PCYT1A: variants seen among roughly 807,000 people sequenced by gnomAD.
PCYT1A encodes choline-phosphate cytidylyltransferase A.
In PCYT1A, 25 loss-of-function variants were observed where a neutral mutation model predicts 43.7. That is an observed-to-expected ratio of 0.57 (90% CI 0.42 to 0.80). The LOEUF is 0.80. PCYT1A is among the 30% of genes least tolerant of loss of function. The probability of loss-of-function intolerance (pLI) is 0.00; values close to 1 mark genes in which losing one functional copy is unlikely to be tolerated. For missense variants in PCYT1A, 421 were observed against 474.2 expected (o/e 0.89, Z 1.04); for synonymous variants, 172 against 170.7 (o/e 1.01, Z -0.06).
chr3:196,264,588 CAA>C (rs2108775107), intron 2 of PCYT1A, among the ~76,000 whole-genome samples: 1 of 152,288 alleles, frequency 6.6e-6, no homozygotes, highest in East Asian at 1.9e-4. Context: ...ACCTCTTGGT[CAA>C]AGTCAGTCTC....
rs1724260866 is a variant in PCYT1A, at chr3:196,238,818, G to A, written c.974C>T (p.Thr325Ile). The A allele has an allele frequency of 6.3e-7, 1 of 1,574,910 alleles. No homozygotes were observed. The highest frequency in any genetic ancestry group is 1.8e-4 in the Middle Eastern group (1 of 5,616). The change falls in exon 9 of 9, where the codon ACT (threonine) becomes ATT (isoleucine). Residue 325 changes from threonine (T) to isoleucine (I), a missense_variant. By Grantham distance (89) the Thr-to-Ile change is moderately conservative. Transcript: ENST00000431016. ...SPKQSPSSSP[T>I]RERSPSPSFR... ...AGAGGGGGAGGGGGAGCGCTCGCGA[G>A]TAGGGCTGCTGCTGGGGCTCTGCTT... is the stretch of plus-strand genomic sequence containing the variant.
In PCYT1A at chr3:196,270,517, AC is replaced by A. The variant is rs765005090; in HGVS notation, c.14del (p.Cys5PhefsTer58). The part of the protein sequence containing the change: MDAQ[C>X]SAKVNARKRR... Reference sequence around the variant, plus strand: ...TCTTCCTTGCATTGACCTTGGCTGAACACTGTGCATCCATCTTCTTTTAACT... The same window carrying A: ...TCTTCCTTGCATTGACCTTGGCTGAAACTGTGCATCCATCTTCTTTTAACT... On this transcript the variant is annotated frameshift_variant, in exon 2 of 9. Coordinates refer to ENST00000431016, the MANE Select transcript of PCYT1A (RefSeq NM_001312673.2). LOFTEE classifies it high-confidence loss of function. The A allele has an allele frequency of 1.9e-6, 3 of 1,613,506 alleles. No individual in the cohort carries two copies. Among genetic ancestry groups the A allele is most frequent in the Non-Finnish European group, 1.7e-6 (2 of 1,179,398 alleles).
intron 2 of PCYT1A, among the ~76,000 whole-genome samples, chr3:196,265,739 C>CT (rs918330587): frequency 6.0e-5 from 9 of 150,844 alleles, no homozygotes; most frequent in East Asian, 2.0e-4. Flanking sequence ...TCCCCCTACC[C>CT]TTTTTTTTTC....
In PCYT1A at chr3:196,270,510, TG is replaced by T; in HGVS notation, c.21del (p.Lys8ArgfsTer55). On this transcript the variant is annotated frameshift_variant, in exon 2 of 9. Transcript: ENST00000431016. LOFTEE classifies it high-confidence loss of function. ...TTTCTCCTCTTCCTTGCATTGACCT[TG>T]GCTGAACACTGTGCATCCATCTTCT... The part of the protein sequence containing the change: MDAQCS[A>X]KVNARKRRKE... 1.2e-6 allele frequency: 2 copies of T among 1,613,950 alleles called. No homozygotes were observed. Among genetic ancestry groups the T allele is most frequent in the South Asian group, 2.2e-5 (2 of 91,080 alleles).
At chr3:196,251,478 C>T (rs985464281) in intron 3 of PCYT1A, 1 of 152,850 alleles carries the variant, frequency 6.5e-6, no homozygotes, top group Non-Finnish European at 1.5e-5. Context: ...AAAAGCTTTA[C>T]TCATAAATAA....
chr3:196,266,175 G>C (rs1381407514), intron 2 of PCYT1A, among the ~76,000 whole-genome samples: 2 of 151,592 alleles, frequency 1.3e-5, no homozygotes, highest in Non-Finnish European at 2.9e-5. Flanking sequence ...CTAGCGCATT[G>C]TAAATATGCA....
In PCYT1A at chr3:196,265,835, T is replaced by C. The variant is rs1288200228; in HGVS notation, c.117+4580A>G. ...TCACTTGCAAACTCCGCCTCCTGGG[T>C]TCACGCCATTCTCCTGCTTCAGCCT... On this transcript the variant is annotated intron_variant, in intron 2 of 8. Coordinates refer to ENST00000431016, the MANE Select transcript of PCYT1A (RefSeq NM_001312673.2). Among the ~76,000 whole-genome samples, 3 of 152,028 alleles carry C rather than the reference T, an allele frequency of 2.0e-5. No individual in the cohort carries two copies. The East Asian group carries it at 5.9e-4, about 30-fold the overall frequency.
intron 5 of PCYT1A, among the ~76,000 whole-genome samples, chr3:196,245,143 C>CT (rs780768606): frequency 0.038 from 5,451 of 142,060 alleles, 138 homozygotes; most frequent in East Asian, 0.075. Context: ...CATTTCACTA[C>CT]TTTTTTTTTT....
At position 196,247,023 on chromosome 3, in the gene PCYT1A, C is replaced by T. The variant is rs573009925; in HGVS notation, c.486+344G>A. ...GCCCTGCCAGTGGTGTAACTTGTGG[C>T]GAGTTCAGTTCCCAGCCCTGCCAAT... is the stretch of plus-strand genomic sequence containing the variant. On this transcript the variant is annotated intron_variant, in intron 5 of 8. Coordinates refer to ENST00000431016, the MANE Select transcript of PCYT1A (RefSeq NM_001312673.2). The surrounding 1 kb of genome is among the most constrained non-coding windows in gnomAD (Gnocchi z 4.8). 1.3e-5 allele frequency among the ~76,000 whole-genome samples: 2 copies of T among 151,536 alleles called. No homozygotes were observed. The highest frequency in any genetic ancestry group is 1.3e-4 in the Admixed American group (2 of 15,220).
At chr3:196,279,879 G>A (rs1725707411) in intron 1 of PCYT1A, among the ~76,000 whole-genome samples, 1 of 144,614 alleles carries the variant, frequency 6.9e-6, no homozygotes, top group African/African-American at 2.6e-5. Context: ...CTGTTGCCCA[G>A]GCTGGAGTAC....
At position 196,270,485 on chromosome 3, in the gene PCYT1A, T is replaced by C. The variant is rs768525820; in HGVS notation, c.47A>G (p.Lys16Arg). 1.1e-5 allele frequency: 17 copies of C among 1,614,198 alleles called. 1 individual carries two copies. In the South Asian group the frequency reaches 1.8e-4, roughly 17 times the overall value. ...TGCCCCGTTGGGTCCGGGCGCCTCT[T>C]TTCTCCTCTTCCTTGCATTGACCTT... ...SAKVNARKRR[K>R]EAPGPNGATE... Residue 16 changes from lysine (K) to arginine (R), a missense_variant, in exon 2 of 9, where the codon AAA (lysine) becomes AGA (arginine). Physicochemically the swap from Lys to Arg is conservative, Grantham distance 26. This residue lies in a region of PCYT1A where 139 missense variants were observed against 117.7 expected (regional missense o/e 1.18). Transcript: ENST00000431016.
intron 1 of PCYT1A, among the ~76,000 whole-genome samples, chr3:196,280,525 T>C (rs1725732921): frequency 1.3e-5 from 2 of 151,970 alleles, no homozygotes. Flanking sequence ...ACAATATTGG[T>C]TTTTTATTTG....
chr3:196,238,924 A>G, intron 8 of PCYT1A, 30 bp from the exon 9 acceptor site: 2 of 1,306,792 alleles, frequency 1.5e-6, no homozygotes. Context: ...GAGTCAGAAA[A>G]ACACCGTGGA....
rs549837026 is a variant in PCYT1A at position 196,271,516 on chromosome 3, T to A, written c.-10-975A>T. Among the ~76,000 whole-genome samples, 5 of 152,214 alleles carry A rather than the reference T, an allele frequency of 3.3e-5. No homozygotes were observed. The South Asian group carries it at 1.0e-3, about 32-fold the overall frequency. Reference sequence around the variant, plus strand: ...ATCATAGCACACTGTAGCCTCAAACTCCTGAGCTTAAGCAATCCTCCCATC... The same window carrying A: ...ATCATAGCACACTGTAGCCTCAAACACCTGAGCTTAAGCAATCCTCCCATC... On this transcript the variant is annotated intron_variant, in intron 1 of 8. Coordinates refer to ENST00000431016, the MANE Select transcript of PCYT1A (RefSeq NM_001312673.2).
At chr3:196,248,426 CA>C in intron 3 of PCYT1A, 103 bp from the exon 4 acceptor site, 1 of 634,382 alleles carries the variant, frequency 1.6e-6, no homozygotes, top group Non-Finnish European at 2.8e-6. Flanking sequence ...GGCTGGAGTG[CA>C]GTGGCGTGAT....
rs146135588 is a variant in PCYT1A, at chr3:196,238,703, C to G, written c.1089G>C (p.Glu363Asp). Reference protein sequence around the residue: ...RHKAAAYDISEDEED With the variant: ...RHKAAAYDISDDEED ...GGAGGAAACATTAGTCTTCTTCATCCTCACTGATATCATAGGCTGCAGCCT... is the reference window on the plus strand; with the variant it reads ...GGAGGAAACATTAGTCTTCTTCATCGTCACTGATATCATAGGCTGCAGCCT... The change falls in exon 9 of 9, where the codon GAG becomes GAC. Residue 363 changes from glutamate to aspartate, a missense_variant. Coordinates refer to ENST00000431016, the MANE Select transcript of PCYT1A (RefSeq NM_001312673.2). The G allele has an allele frequency of 1.3e-6, 2 of 1,555,522 alleles. No individual in the cohort carries two copies. Among genetic ancestry groups the G allele is most frequent in the Non-Finnish European group, 8.7e-7 (1 of 1,151,422 alleles).
rs1162089006 is a variant in PCYT1A, at chr3:196,277,497, A to G, written c.-10-6956T>C. ...AAAACATCTGGGTCACAGATATTCC[A>G]TAATGATAACCCTAAAAGAATTTAG... On this transcript the variant is annotated intron_variant, in intron 1 of 8. Transcript: ENST00000431016. This position sits in a 1 kb window ranked among gnomAD's most constrained non-coding sequence, Gnocchi z 4.1. Among the ~76,000 whole-genome samples, 3 of 152,244 alleles carry G rather than the reference A, an allele frequency of 2.0e-5. No homozygotes were observed. The highest frequency in any genetic ancestry group is 6.5e-5 in the Admixed American group (1 of 15,274).
chr3:196,261,423 G>A (rs553308367), intron 2 of PCYT1A, among the ~76,000 whole-genome samples: 5 of 152,272 alleles, frequency 3.3e-5, no homozygotes, highest in East Asian at 1.9e-4. Context: ...CTGGGAGGCC[G>A]AGGCAGGCAG....
chr3:196,244,642 G>T (rs1037816787), intron 5 of PCYT1A, among the ~76,000 whole-genome samples: 2 of 152,212 alleles, frequency 1.3e-5, no homozygotes, highest in Admixed American at 6.5e-5. Flanking sequence ...CGGTTTTGTC[G>T]AATAGAAAAG....
Sources: allele counts gnomAD v4.1 joint callset (sites outside exome capture counted in the v4.1 genomes callset), GRCh38; gene constraint gnomAD v4.1.1; regional missense constraint gnomAD v4.1.1; non-coding constraint Gnocchi (gnomAD v3.1); transcripts MANE v1.5; gene names NCBI Gene and HGNC (gene_info 2026-07-23, HGNC 2026-07-21).